The following IQGAP2 variants were observed in gnomAD, a reference collection of about 807,000 sequenced individuals.
IQGAP2 encodes IQ motif containing GTPase activating protein 2.
In IQGAP2, 173 loss-of-function variants were observed where a neutral mutation model predicts 201.3. That is an observed-to-expected ratio of 0.86 (90% confidence interval 0.76 to 0.98). IQGAP2 has a LOEUF of 0.98. Ranked by LOEUF, IQGAP2 falls within the 50% of genes least tolerant of loss-of-function variation. The pLI, the probability that IQGAP2 is intolerant of heterozygous loss-of-function variation, is 0.00. For synonymous variants in IQGAP2, 675 were observed against 673.9 expected (o/e 1.00, Z -0.03); for missense variants, 1,687 against 1,864.8 (o/e 0.90, Z 1.76).
intron 35 of IQGAP2, among the ~76,000 whole-genome samples, chr5:76,705,458 A>G (rs2150571331): frequency 6.6e-6 from 1 of 152,322 alleles, no homozygotes; most frequent in African/African-American, 2.4e-5. Context: ...GAGTCCAGCC[A>G]TGTTTTCTCT....
At chr5:76,462,816 C>T (rs181119643) in intron 2 of IQGAP2, among the ~76,000 whole-genome samples, 22 of 152,166 alleles carry the variant, frequency 1.4e-4, no homozygotes, top group Middle Eastern at 3.4e-3. Flanking sequence ...AGTAGTGTCA[C>T]GTAACTTTCT....
chr5:76,430,580 A>G (rs530733952), intron 1 of IQGAP2, among the ~76,000 whole-genome samples: 35 of 152,336 alleles, frequency 2.3e-4, no homozygotes, highest in Admixed American at 6.5e-4. Flanking sequence ...GTCAGATAAC[A>G]GCATTTCTGC....
chr5:76,627,312 G>T (rs1750331146), intron 13 of IQGAP2, 98 bp from the exon 14 acceptor site: 34 of 849,782 alleles, frequency 4.0e-5, no homozygotes, highest in Non-Finnish European at 2.0e-6. Flanking sequence ...TTAAGAATTT[G>T]TGGGAATTAT....
intron 2 of IQGAP2, among the ~76,000 whole-genome samples, chr5:76,479,245 C>T (rs902244637): frequency 6.6e-6 from 1 of 152,142 alleles, no homozygotes; most frequent in Non-Finnish European, 1.5e-5. Context: ...ACTCGCTGTA[C>T]CCCACTGCCT....
chr5:76,649,487 A>G (rs1297545240), intron 17 of IQGAP2, among the ~76,000 whole-genome samples: 1 of 152,260 alleles, frequency 6.6e-6, no homozygotes, highest in Non-Finnish European at 1.5e-5. Flanking sequence ...AGAAGGGAAG[A>G]AAGGATAGCT....
intron 1 of IQGAP2, among the ~76,000 whole-genome samples, chr5:76,412,951 G>A (rs1301244271): frequency 1.3e-5 from 2 of 152,080 alleles, no homozygotes; most frequent in Non-Finnish European, 2.9e-5. Context: ...CATGCTCAAA[G>A]TGTGCTCCCA....
At chr5:76,449,062 C>T (rs901557530) in intron 1 of IQGAP2, among the ~76,000 whole-genome samples, 9 of 152,176 alleles carry the variant, frequency 5.9e-5, no homozygotes, top group Non-Finnish European at 1.3e-4. Context: ...GGGGGTCTCC[C>T]TTCACCTATT....
At chr5:76,657,485 T>TA (rs1554081731) in intron 20 of IQGAP2, among the ~76,000 whole-genome samples, 1 of 152,240 alleles carries the variant, frequency 6.6e-6, no homozygotes, top group Non-Finnish European at 1.5e-5. Flanking sequence ...TTAGTTTTCT[T>TA]ACTCCTTTAG....
intron 1 of IQGAP2, among the ~76,000 whole-genome samples, chr5:76,443,415 A>G (rs905572386): frequency 2.0e-5 from 3 of 151,974 alleles, no homozygotes; most frequent in African/African-American, 7.2e-5. Flanking sequence ...GAACTTAGGA[A>G]TTCCAGTTCA....
chr5:76,622,567 A>G (rs1749804806), intron 13 of IQGAP2, among the ~76,000 whole-genome samples: 2 of 152,194 alleles, frequency 1.3e-5, no homozygotes, highest in South Asian at 4.1e-4. Context: ...TCAGGCTAAC[A>G]TTGTGATGGG....
chr5:76,460,860 CTTTTTTTT>C (rs61258350), intron 1 of IQGAP2, among the ~76,000 whole-genome samples: 129 of 113,526 alleles, frequency 1.1e-3, no homozygotes, highest in East Asian at 0.011. Context: ...TTGCACACTG[CTTTTTTTT>C]TTTTTTTTTT....
In IQGAP2 at chr5:76,403,697, T is replaced by G; in HGVS notation, c.46+106T>G. 1.0e-6 allele frequency: 1 copy of G among 973,962 alleles called. No homozygotes were observed. The highest frequency in any genetic ancestry group is 3.3e-5 in the East Asian group (1 of 30,358). 60.3% of individuals were successfully genotyped at this position (973,962 alleles called of 1,614,324 possible). On this transcript the variant is annotated intron_variant, in intron 1 of 35. Transcript: ENST00000274364. The surrounding 1 kb of genome is among the most constrained non-coding windows in gnomAD (Gnocchi z 4.8). The stretch of plus-strand genomic sequence containing the variant: ...GCCGGTTGCGCGGCGCAGAGGAAAT[T>G]GGAAGGCAGCAACTGCGCGGCTGGC...
intron 20 of IQGAP2, among the ~76,000 whole-genome samples, chr5:76,658,163 A>G (rs1334097199): frequency 3.3e-5 from 5 of 152,206 alleles, no homozygotes; most frequent in African/African-American, 1.2e-4. Flanking sequence ...AGATAGGACT[A>G]TCTTCTTAGC....
rs143778481 is a variant in IQGAP2 at position 76,519,810 on chromosome 5, A to G, written c.147-42586A>G. ...TATTTTAGCTATTTAAACTCCTTTG[A>G]CATTTCATATAGAAGTTTTATTTGC... On this transcript the variant is annotated intron_variant, in intron 2 of 35. Coordinates refer to ENST00000274364, the MANE Select transcript of IQGAP2 (RefSeq NM_006633.5). Among the ~76,000 whole-genome samples the G allele has an allele frequency of 4.2e-4, 64 of 152,310 alleles. No homozygotes were observed. In the East Asian group the frequency reaches 0.012, roughly 28 times the overall value.
At chr5:76,652,572 T>C (rs1258690130) in intron 17 of IQGAP2, among the ~76,000 whole-genome samples, 178 bp from the exon 18 acceptor site, 1 of 152,164 alleles carries the variant, frequency 6.6e-6, no homozygotes, top group Non-Finnish European at 1.5e-5. Context: ...TGTGAGCTGA[T>C]GTGCTCTGCT....
At chr5:76,421,791 A>G (rs973128013) in intron 1 of IQGAP2, among the ~76,000 whole-genome samples, 3 of 152,202 alleles carry the variant, frequency 2.0e-5, no homozygotes, top group African/African-American at 7.2e-5. Flanking sequence ...TTTGACCTCT[A>G]TAAATAGTGT....
At position 76,501,335 on chromosome 5, in the gene IQGAP2, G is replaced by A. The variant is rs142839619; in HGVS notation, c.146+39666G>A. The stretch of plus-strand genomic sequence containing the variant: ...TCCTAGCCCTTTGGGAAGCTGAGGT[G>A]GGGGGGCATCACTTGAGCTCAGAAG... On this transcript the variant is annotated intron_variant, in intron 2 of 35. Transcript: ENST00000274364. 1.9e-3 allele frequency among the ~76,000 whole-genome samples: 290 copies of A among 152,136 alleles called. 1 individual carries two copies. Among genetic ancestry groups the A allele is most frequent in the African/African-American group, 6.8e-3 (281 of 41,514 alleles).
chr5:76,507,412 CTAGATATT>C (rs1757667975), intron 2 of IQGAP2, among the ~76,000 whole-genome samples: 1 of 119,092 alleles, frequency 8.4e-6, no homozygotes, highest in Non-Finnish European at 1.8e-5. Context: ...TCTAAAACTC[CTAGATATT>C]TATTGTACAT....
At chr5:76,568,206 G>C (rs1389310738) in intron 3 of IQGAP2, among the ~76,000 whole-genome samples, 1 of 152,178 alleles carries the variant, frequency 6.6e-6, no homozygotes, top group Non-Finnish European at 1.5e-5. Context: ...AAAGGATGAA[G>C]GATTTGAAAT....
Sources: allele counts gnomAD v4.1 joint callset (sites outside exome capture counted in the v4.1 genomes callset), GRCh38; gene constraint gnomAD v4.1.1; non-coding constraint Gnocchi (gnomAD v3.1); transcripts MANE v1.5; gene names NCBI Gene and HGNC (gene_info 2026-07-23, HGNC 2026-07-21).